The following MAPRE2 variants were observed in gnomAD, a reference collection of about 807,000 sequenced individuals.
The protein encoded by MAPRE2 is microtubule associated protein RP/EB family member 2.
A neutral mutation model predicts 43.2 loss-of-function variants in MAPRE2; 13 were observed. That is an observed-to-expected ratio of 0.30 (90% CI 0.20 to 0.48). MAPRE2 has a LOEUF of 0.48. MAPRE2 is among the 20% of genes least tolerant of loss of function. MAPRE2 has a pLI of 0.99. For missense variants in MAPRE2, 161 were observed against 400.2 expected, an observed-to-expected ratio of 0.40 and a Z score of 5.10; for synonymous variants, 135 against 148.8, an observed-to-expected ratio of 0.91 and a Z score of 0.68.
At chr18:34,992,440 C>A (rs546239325) in intron 1 of MAPRE2, among the ~76,000 whole-genome samples, 3 of 152,122 alleles carry the variant, frequency 2.0e-5, no homozygotes, top group Non-Finnish European at 4.4e-5. Flanking sequence ...CTAGTTCTTG[C>A]CCCAGCTGTG....
intron 2 of MAPRE2, among the ~76,000 whole-genome samples, chr18:35,032,754 T>C (rs1360443282): frequency 6.6e-6 from 1 of 152,174 alleles, no homozygotes; most frequent in Non-Finnish European, 1.5e-5. Flanking sequence ...GGGTCCATTT[T>C]AGAAATCCAG....
At chr18:35,000,334 A>C (rs1208665051) in intron 1 of MAPRE2, among the ~76,000 whole-genome samples, 2 of 152,250 alleles carry the variant, frequency 1.3e-5, no homozygotes, top group South Asian at 4.1e-4. Context: ...GGTTAAACAC[A>C]TAGCAATGAA....
intron 1 of MAPRE2, among the ~76,000 whole-genome samples, chr18:34,983,159 T>C (rs2097017269): frequency 1.3e-5 from 2 of 152,208 alleles, no homozygotes; most frequent in African/African-American, 4.8e-5. Flanking sequence ...TTGTTTTTGT[T>C]TTTGTTTCCC....
chr18:35,113,478 T>C (rs1055342172), intron 4 of MAPRE2, among the ~76,000 whole-genome samples: 5 of 152,200 alleles, frequency 3.3e-5, no homozygotes, highest in African/African-American at 1.2e-4. Flanking sequence ...AAAAAAAAAC[T>C]AGAGTGTTTT....
intron 2 of MAPRE2, among the ~76,000 whole-genome samples, chr18:35,071,538 A>G (rs1045045295): frequency 1.3e-5 from 2 of 152,230 alleles, no homozygotes; most frequent in Non-Finnish European, 2.9e-5. Flanking sequence ...TTTGGCTTCA[A>G]CATGAAAATG....
chr18:35,132,230 ACT>A, intron 6 of MAPRE2, 40 bp downstream of exon 6: 1 of 1,599,456 alleles, frequency 6.3e-7, no homozygotes, highest in South Asian at 1.1e-5. Context: ...TTCTAAAATG[ACT>A]CTCTTGGTCA....
intron 1 of MAPRE2, among the ~76,000 whole-genome samples, chr18:34,997,844 C>T (rs1004233098): frequency 6.6e-6 from 1 of 152,138 alleles, no homozygotes; most frequent in Non-Finnish European, 1.5e-5. Flanking sequence ...AAATGAATTA[C>T]ACTTTCAAGA....
intron 2 of MAPRE2, among the ~76,000 whole-genome samples, chr18:35,015,117 C>G (rs183453684): frequency 5.3e-5 from 8 of 152,178 alleles, no homozygotes; most frequent in Admixed American, 6.5e-5. Context: ...TCCTCTACCC[C>G]CCTTCACTTT....
At chr18:35,031,340 C>T (rs1389796004) in intron 2 of MAPRE2, among the ~76,000 whole-genome samples, 1 of 152,036 alleles carries the variant, frequency 6.6e-6, no homozygotes, top group Non-Finnish European at 1.5e-5. Flanking sequence ...TTCTAGTGTC[C>T]CCAGGCCTGA....
Position 34,998,598 on chromosome 18 carries a change from A to G in MAPRE2, c.-69-6894A>G, listed in dbSNP as rs2097027730. 4.0e-5 allele frequency among the ~76,000 whole-genome samples: 6 copies of G among 151,672 alleles called. No individual in the cohort carries two copies. In the South Asian group the frequency reaches 1.2e-3, roughly 32 times the overall value. On this transcript the variant is annotated intron_variant, in intron 1 of 7. Transcript: ENST00000413393. ...CGCCTCGGCCTCCCAAAGTGCTGGGATTACAGGCATGAGCCACCGTGCCTG... is the reference window on the plus strand; with the variant it reads ...CGCCTCGGCCTCCCAAAGTGCTGGGGTTACAGGCATGAGCCACCGTGCCTG...
chr18:35,016,307 G>GAT (rs888057765), intron 2 of MAPRE2, among the ~76,000 whole-genome samples: 21 of 151,064 alleles, frequency 1.4e-4, no homozygotes, highest in Middle Eastern at 3.4e-3. Flanking sequence ...TTTCCTTTGA[G>GAT]ATATATATAT....
chr18:35,088,660 G>T (rs928449936), intron 2 of MAPRE2, among the ~76,000 whole-genome samples: 6 of 152,174 alleles, frequency 3.9e-5, no homozygotes, highest in Admixed American at 3.3e-4. Flanking sequence ...CTGATTTGTG[G>T]CTGGGTAAGA....
In MAPRE2 at chr18:35,084,811, A is replaced by C. The variant is rs200923689; in HGVS notation, c.251-12635A>C. On this transcript the variant is annotated intron_variant, in intron 2 of 6. Coordinates refer to ENST00000300249, the MANE Select transcript of MAPRE2 (RefSeq NM_014268.4). The stretch of plus-strand genomic sequence containing the variant: ...ATGTCAGGTAGTGGAGAGAAGCAGG[A>C]AGCTCAGCTGAGGACCATGGGAATT... 9.8e-5 allele frequency among the ~76,000 whole-genome samples: 15 copies of C among 152,346 alleles called. No homozygotes were observed. The East Asian group carries it at 2.5e-3, about 25-fold the overall frequency.
chr18:35,125,728 A>G (rs556840148), intron 4 of MAPRE2, among the ~76,000 whole-genome samples: 2 of 152,254 alleles, frequency 1.3e-5, no homozygotes, highest in Non-Finnish European at 2.9e-5. Context: ...TTTTGGCCGC[A>G]GAGGCCATTC....
At chr18:35,097,628 T>C (rs1422429174) in intron 3 of MAPRE2, 37 bp downstream of exon 3, 1 of 1,576,872 alleles carries the variant, frequency 6.3e-7, no homozygotes, top group African/African-American at 1.4e-5. Flanking sequence ...GTGTTGTTTT[T>C]TCTTAAAATT....
At chr18:35,087,125 A>C (rs1482199265) in intron 2 of MAPRE2, among the ~76,000 whole-genome samples, 1 of 152,168 alleles carries the variant, frequency 6.6e-6, no homozygotes, top group East Asian at 1.9e-4. Context: ...TGCCATCTTC[A>C]TACAGCCTCC....
chr18:35,046,086 T>C (rs891214074), intron 1 of MAPRE2, among the ~76,000 whole-genome samples: 6 of 152,228 alleles, frequency 3.9e-5, no homozygotes, highest in Admixed American at 3.9e-4. Flanking sequence ...ATGCAGCATC[T>C]TTTCTTTATT....
intron 4 of MAPRE2, among the ~76,000 whole-genome samples, chr18:35,104,731 C>G (rs868821736): frequency 1.3e-5 from 2 of 152,182 alleles, no homozygotes; most frequent in Middle Eastern, 6.8e-3. Flanking sequence ...AGGCCTTCAA[C>G]TTTTGTCAGC....
intron 5 of MAPRE2, among the ~76,000 whole-genome samples, chr18:35,129,229 A>T (rs1910040522): frequency 6.6e-6 from 1 of 152,146 alleles, no homozygotes; most frequent in Non-Finnish European, 1.5e-5. Flanking sequence ...ACTTACTCCA[A>T]ATTTATATCC....
Sources: allele counts gnomAD v4.1 joint callset (sites outside exome capture counted in the v4.1 genomes callset), GRCh38; gene constraint gnomAD v4.1.1; transcripts MANE v1.5; gene names NCBI Gene and HGNC (gene_info 2026-07-23, HGNC 2026-07-21).